The following FOXO3 variants were observed in gnomAD, a reference collection of about 807,000 sequenced individuals.
FOXO3 encodes the protein forkhead box protein O3.
FOXO3 carries 4 observed loss-of-function variants against 41.9 expected under a neutral mutation model. That is an observed-to-expected ratio of 0.10 (90% CI 0.05 to 0.22). The LOEUF is 0.22. Among genes scored for constraint, FOXO3 ranks in the 10% least tolerant of loss-of-function variants. FOXO3 has a pLI of 1.00. For missense variants in FOXO3, 534 were observed against 906.8 expected (o/e 0.59, Z 5.28); for synonymous variants, 318 against 389.3 (o/e 0.82, Z 2.16).
chr6:108,663,316 C>T, intron 1 of FOXO3, 139 bp from the exon 2 acceptor site: 1 of 1,341,134 alleles, frequency 7.5e-7, no homozygotes, highest in East Asian at 2.6e-5. Flanking sequence ...CACTGCATTC[C>T]AGCATGGGCA....
Position 108,663,588 on chromosome 6 carries a change from T to A in FOXO3, c.755T>A (p.Val252Asp). Residue 252 changes from valine to aspartate, a missense_variant, in exon 2 of 3, where the codon GTC becomes GAC. Coordinates refer to ENST00000406360, the MANE Select transcript of FOXO3 (RefSeq NM_001455.4). ...KSGKAPRRRA[V>D]SMDNSNKYTK... ...GGAAAAGCCCCCCGGCGGCGGGCTG[T>A]CTCCATGGACAATAGCAACAAGTAT... is the stretch of plus-strand genomic sequence containing the variant. The A allele has an allele frequency of 6.2e-7, 1 of 1,613,584 alleles. No homozygotes were observed. Among genetic ancestry groups the A allele is most frequent in the Non-Finnish European group, 8.5e-7 (1 of 1,179,682 alleles).
intron 1 of FOXO3, among the ~76,000 whole-genome samples, chr6:108,626,705 G>A (rs73763153): frequency 0.012 from 1,808 of 151,956 alleles, 51 homozygotes; most frequent in African/African-American, 0.042. Flanking sequence ...TCACTAATCT[G>A]AAATTTTATG....
Position 108,597,920 on chromosome 6 carries a change from T to C in FOXO3, c.621+36091T>C, listed in dbSNP as rs1279902240. ...GTACTAAAATTAGAATTCATGCTTT[T>C]GGTGTTTTAAAATTAGCGATTCTTT... On this transcript the variant is annotated intron_variant, in intron 1 of 2. Transcript: ENST00000406360. 5.3e-5 allele frequency among the ~76,000 whole-genome samples: 8 copies of C among 152,252 alleles called. 1 individual carries two copies. Among genetic ancestry groups the C allele is most frequent in the African/African-American group, 1.9e-4 (8 of 41,472 alleles).
intron 1 of FOXO3, among the ~76,000 whole-genome samples, chr6:108,638,439 C>A (rs1368975731): frequency 6.6e-6 from 1 of 152,170 alleles, no homozygotes; most frequent in African/African-American, 2.4e-5. Context: ...CCTGACCCAG[C>A]CTTTAACTAG....
intron 1 of FOXO3, among the ~76,000 whole-genome samples, chr6:108,566,340 C>T (rs2128355588): frequency 6.6e-6 from 1 of 152,294 alleles, no homozygotes; most frequent in South Asian, 2.1e-4. Context: ...ACAAGAACAT[C>T]TTTTAGTTAA....
In FOXO3 at chr6:108,626,823, A is replaced by G. The variant is rs1777825144; in HGVS notation, c.622-36632A>G. 2.0e-5 allele frequency among the ~76,000 whole-genome samples: 3 copies of G among 152,198 alleles called. 1 individual carries two copies. The South Asian group carries it at 6.2e-4, about 31-fold the overall frequency. On this transcript the variant is annotated intron_variant, in intron 1 of 2. Coordinates refer to ENST00000406360, the MANE Select transcript of FOXO3 (RefSeq NM_001455.4). ...TTAACCAGATACTTAAAACCAGGGT[A>G]TTTTCCTAAGGTTTAACATTGGAAG...
chr6:108,654,554 A>T (rs1404010323), intron 1 of FOXO3, among the ~76,000 whole-genome samples: 1 of 152,116 alleles, frequency 6.6e-6, no homozygotes, highest in African/African-American at 2.4e-5. Flanking sequence ...TGATGATTTT[A>T]TTCTTTTTAT....
At chr6:108,672,502 C>G (rs1299571631) in intron 2 of FOXO3, among the ~76,000 whole-genome samples, 2 of 152,176 alleles carry the variant, frequency 1.3e-5, no homozygotes, top group African/African-American at 4.8e-5. Context: ...CTTTCCTGCT[C>G]AGTAATAGAT....
chr6:108,582,666 G>C (rs1234992506), intron 1 of FOXO3, among the ~76,000 whole-genome samples: 6 of 151,880 alleles, frequency 4.0e-5, no homozygotes, highest in Non-Finnish European at 8.8e-5. Context: ...CAAGGAGACA[G>C]TTTTTAGGGC....
intron 1 of FOXO3, among the ~76,000 whole-genome samples, chr6:108,570,735 C>T (rs2128356912): frequency 6.6e-6 from 1 of 152,284 alleles, no homozygotes; most frequent in African/African-American, 2.4e-5. Context: ...AGTCTTTAAG[C>T]TGATGTCAAG....
chr6:108,638,992 C>T (rs1375827904), intron 1 of FOXO3, among the ~76,000 whole-genome samples: 5 of 152,164 alleles, frequency 3.3e-5, no homozygotes, highest in South Asian at 2.1e-4. Context: ...TTTTCCACTG[C>T]GGTGTCAGCA....
intron 1 of FOXO3, among the ~76,000 whole-genome samples, chr6:108,567,473 C>T (rs1266230540): frequency 6.6e-6 from 1 of 152,176 alleles, no homozygotes; most frequent in Non-Finnish European, 1.5e-5. Flanking sequence ...ATGCCACTGA[C>T]TCATCTGTAT....
chr6:108,623,251 G>A (rs1274620038), intron 1 of FOXO3, among the ~76,000 whole-genome samples: 1 of 152,210 alleles, frequency 6.6e-6, no homozygotes, highest in Non-Finnish European at 1.5e-5. Flanking sequence ...ACTCTGATTA[G>A]CTTATAAGTT....
At chr6:108,628,303 G>A (rs994112696) in intron 1 of FOXO3, among the ~76,000 whole-genome samples, 1 of 152,084 alleles carries the variant, frequency 6.6e-6, no homozygotes, top group African/African-American at 2.4e-5. Flanking sequence ...TTGTTAACAG[G>A]CTGCTCCTTT....
chr6:108,635,489 G>C (rs1778096822), intron 1 of FOXO3, among the ~76,000 whole-genome samples: 1 of 152,162 alleles, frequency 6.6e-6, no homozygotes, highest in Non-Finnish European at 1.5e-5. Context: ...GTCGAGCAGT[G>C]GGTACACAGG....
chr6:108,659,223 T>G (rs1474078453), intron 1 of FOXO3, among the ~76,000 whole-genome samples: 1 of 152,170 alleles, frequency 6.6e-6, no homozygotes, highest in African/African-American at 2.4e-5. Flanking sequence ...AAATTTTTTT[T>G]TAGGAAGGGC....
In FOXO3 at chr6:108,641,811, CA is replaced by C. The variant is rs1195761433; in HGVS notation, c.622-21643del. ...ACAAAAAAAATACAGAAAAAAAGTA[CA>C]TTGTACAGTTAAAATCTCTTGTATT... is the stretch of plus-strand genomic sequence containing the variant. On this transcript the variant is annotated intron_variant, in intron 1 of 2. Transcript: ENST00000406360. Among the ~76,000 whole-genome samples the C allele has an allele frequency of 2.0e-5, 3 of 152,180 alleles. No homozygotes were observed. In the East Asian group the frequency reaches 5.8e-4, roughly 29 times the overall value.
upstream of FOXO3, among the ~76,000 whole-genome samples, chr6:108,560,616 G>C (rs1191631652): frequency 3.3e-5 from 5 of 152,280 alleles, 1 homozygote; most frequent in East Asian, 9.7e-4. Context: ...AAGGGGAGAA[G>C]AGCCGAAGAC....
chr6:108,664,964 C>G, intron 2 of FOXO3, 75 bp downstream of exon 2: 1 of 1,416,468 alleles, frequency 7.1e-7, no homozygotes, highest in Non-Finnish European at 9.5e-7. Flanking sequence ...CCTGTCTTCT[C>G]TTTACTTTGA....
Sources: allele counts gnomAD v4.1 joint callset (sites outside exome capture counted in the v4.1 genomes callset), GRCh38; gene constraint gnomAD v4.1.1; transcripts MANE v1.5; gene names NCBI Gene and HGNC (gene_info 2026-07-23, HGNC 2026-07-21).